NTN1: variants seen among roughly 807,000 people sequenced by gnomAD.
NTN1 encodes the protein netrin 1.
In NTN1, 11 loss-of-function variants were observed where a neutral mutation model predicts 54.2. The ratio of observed to expected loss-of-function variants is 0.20; its 90% confidence interval spans 0.13 to 0.34. NTN1 has a LOEUF of 0.34. Among genes scored for constraint, NTN1 ranks in the 10% least tolerant of loss-of-function variants. The pLI, the probability that NTN1 is intolerant of heterozygous loss-of-function variation, is 1.00. For missense variants in NTN1, 740 were observed against 893.1 expected, an observed-to-expected ratio of 0.83 and a Z score of 2.18; for synonymous variants, 371 against 382.0, an observed-to-expected ratio of 0.97 and a Z score of 0.33.
intron 2 of NTN1, among the ~76,000 whole-genome samples, chr17:9,056,567 A>G (rs1567699781): frequency 6.6e-6 from 1 of 152,200 alleles, no homozygotes; most frequent in Admixed American, 6.5e-5. Context: ...ACCACCAAGT[A>G]GGTCTGGCTC....
At chr17:9,134,011 T>G (rs2092273863) in intron 2 of NTN1, among the ~76,000 whole-genome samples, 1 of 149,868 alleles carries the variant, frequency 6.7e-6, no homozygotes, top group South Asian at 2.1e-4. Context: ...TTCAAGCAAT[T>G]CTCCTGCCTC....
chr17:9,051,168 TAA>T (rs2142198932), intron 2 of NTN1, among the ~76,000 whole-genome samples: 1 of 152,254 alleles, frequency 6.6e-6, no homozygotes, highest in Non-Finnish European at 1.5e-5. Flanking sequence ...GCAGGCCACT[TAA>T]AGTTACACCG....
At chr17:9,097,434 C>T (rs900807422) in intron 2 of NTN1, among the ~76,000 whole-genome samples, 2 of 152,102 alleles carry the variant, frequency 1.3e-5, no homozygotes, top group Non-Finnish European at 2.9e-5. Flanking sequence ...ACCAGCCTGG[C>T]CAACATGGTG....
intron 2 of NTN1, among the ~76,000 whole-genome samples, chr17:9,046,446 A>T (rs1597468447): frequency 6.6e-6 from 1 of 152,206 alleles, no homozygotes; most frequent in South Asian, 2.1e-4. Context: ...TGCTGGTGGG[A>T]ATGTAAAATG....
chr17:9,213,568 C>CTT (rs1190416920), intron 5 of NTN1, among the ~76,000 whole-genome samples: 4 of 152,160 alleles, frequency 2.6e-5, no homozygotes, highest in African/African-American at 9.7e-5. Flanking sequence ...ATCAATTGGC[C>CTT]CATATAGTCT....
At chr17:9,055,727 T>C (rs1233704343) in intron 2 of NTN1, among the ~76,000 whole-genome samples, 5 of 151,994 alleles carry the variant, frequency 3.3e-5, no homozygotes, top group Non-Finnish European at 7.4e-5. Flanking sequence ...TTTTTTTTAA[T>C]TTTTATTTTT....
intron 6 of NTN1, among the ~76,000 whole-genome samples, chr17:9,230,529 C>T (rs1165512634): frequency 1.3e-5 from 2 of 151,148 alleles, no homozygotes; most frequent in South Asian, 2.1e-4. Context: ...TCGTGGAATG[C>T]GGGTGACCAC....
intron 5 of NTN1, among the ~76,000 whole-genome samples, chr17:9,217,935 T>C (rs1281388330): frequency 1.3e-5 from 2 of 150,808 alleles, no homozygotes; most frequent in African/African-American, 4.9e-5. Flanking sequence ...GCAAGCAGCC[T>C]GAGGTTCTCC....
intron 2 of NTN1, among the ~76,000 whole-genome samples, chr17:9,071,689 A>T (rs2092032581): frequency 6.6e-6 from 1 of 152,194 alleles, no homozygotes; most frequent in Non-Finnish European, 1.5e-5. Context: ...CCCTTTCGCC[A>T]GCAGCATCAA....
intron 6 of NTN1, among the ~76,000 whole-genome samples, chr17:9,226,846 C>T (rs1006067627): frequency 6.6e-6 from 1 of 151,974 alleles, no homozygotes; most frequent in Non-Finnish European, 1.5e-5. Flanking sequence ...CAGATACAGG[C>T]GGAGCAAGGC....
chr17:9,195,303 C>T (rs1402204042), intron 5 of NTN1, among the ~76,000 whole-genome samples: 3 of 151,482 alleles, frequency 2.0e-5, no homozygotes, highest in East Asian at 4.0e-4. Flanking sequence ...TGGGCCTTTG[C>T]AGGTGGAGCT....
chr17:9,018,318 A>G (rs1020133972), upstream of NTN1, among the ~76,000 whole-genome samples: 1 of 152,182 alleles, frequency 6.6e-6, no homozygotes, highest in Non-Finnish European at 1.5e-5. Flanking sequence ...ACTTACTGCC[A>G]TGCAAGGGCC....
intron 5 of NTN1, among the ~76,000 whole-genome samples, chr17:9,183,845 G>T (rs918913263): frequency 6.6e-6 from 1 of 152,136 alleles, no homozygotes. Context: ...TCTGGCTGTC[G>T]GCACTCAGAG....
rs562726627 is a variant in NTN1, at chr17:9,024,547, C to CA, written c.1018+1159dup. ...ACATTTCAAAGTTTGCTGGTCCCCA[C>CA]AAACACACGTTTTGAGGTCTGGTTC... On this transcript the variant is annotated intron_variant, in intron 2 of 6. Coordinates refer to ENST00000173229, the MANE Select transcript of NTN1 (RefSeq NM_004822.3). Among the ~76,000 whole-genome samples the CA allele has an allele frequency of 2.6e-5, 4 of 152,354 alleles. No homozygotes were observed. In the South Asian group the frequency reaches 8.3e-4, roughly 32 times the overall value.
At chr17:9,052,530 A>G (rs2091964544) in intron 2 of NTN1, among the ~76,000 whole-genome samples, 1 of 152,212 alleles carries the variant, frequency 6.6e-6, no homozygotes, top group Non-Finnish European at 1.5e-5. Flanking sequence ...AGAGAGAAGG[A>G]GAGAAAAACC....
At chr17:9,098,864 A>G (rs1487705978) in intron 2 of NTN1, among the ~76,000 whole-genome samples, 1 of 152,248 alleles carries the variant, frequency 6.6e-6, no homozygotes, top group Admixed American at 6.5e-5. Context: ...ATGTGTATTA[A>G]TTTTAGAAAT....
intron 2 of NTN1, among the ~76,000 whole-genome samples, chr17:9,159,491 T>G (rs2092351624): frequency 6.6e-6 from 1 of 152,166 alleles, no homozygotes; most frequent in African/African-American, 2.4e-5. Context: ...GTTTGGCAAT[T>G]TGGTGCCAAT....
In NTN1 at chr17:9,024,129, C is replaced by T. The variant is rs1470866583; in HGVS notation, c.1018+738C>T. 2.0e-5 allele frequency among the ~76,000 whole-genome samples: 3 copies of T among 152,228 alleles called. No homozygotes were observed. In the East Asian group the frequency reaches 5.8e-4, roughly 29 times the overall value. ...GTGAAATTAAACAGTTTTGAATTAA[C>T]TAAGGGTCCAGCTTCTCACTTTTTA... On this transcript the variant is annotated intron_variant, in intron 2 of 6. Transcript: ENST00000173229.
At chr17:9,090,895 C>G (rs374118396) in intron 2 of NTN1, among the ~76,000 whole-genome samples, 1 of 152,120 alleles carries the variant, frequency 6.6e-6, no homozygotes, top group Non-Finnish European at 1.5e-5. Flanking sequence ...CGGGCGGCCC[C>G]GCTCCTCCTT....
Sources: allele counts gnomAD v4.1 joint callset (sites outside exome capture counted in the v4.1 genomes callset), GRCh38; gene constraint gnomAD v4.1.1; transcripts MANE v1.5; gene names NCBI Gene and HGNC (gene_info 2026-07-23, HGNC 2026-07-21).